NLRP5: variants seen among roughly 807,000 people sequenced by gnomAD.
NLRP5 encodes the protein NACHT, LRR and PYD domains-containing protein 5.
In NLRP5, 93 loss-of-function variants were observed where a neutral mutation model predicts 113.1. The observed-to-expected ratio is 0.82, with a 90% CI of 0.70 to 0.98. NLRP5 has a LOEUF of 0.98. Among genes scored for constraint, NLRP5 ranks in the 50% least tolerant of loss-of-function variants. NLRP5 has a pLI of 0.00. For synonymous variants in NLRP5, 751 were observed against 600.7 expected (o/e 1.25, Z -3.66); for missense variants, 1,808 against 1,514.3 (o/e 1.19, Z -3.22).
At chr19:56,025,625 T>A (rs1287318048) in intron 6 of NLRP5, among the ~76,000 whole-genome samples, 1 of 151,906 alleles carries the variant, frequency 6.6e-6, no homozygotes, top group Non-Finnish European at 1.5e-5. Context: ...TTAGCCAGGA[T>A]GGTCTCAATC....
At chr19:55,999,212 C>CTTTTTTTTTTTTTTTTT (rs906346601), upstream of NLRP5, among the ~76,000 whole-genome samples, 9 of 111,708 alleles carry the variant, frequency 8.1e-5, no homozygotes, top group East Asian at 2.6e-4. Flanking sequence ...TTTTCTTTTT[C>CTTTTTTTTTTTTTTTTT]TTTTTTTTTT....
At chr19:56,059,996 G>C (rs1311242778) in intron 14 of NLRP5, among the ~76,000 whole-genome samples, 1 of 152,176 alleles carries the variant, frequency 6.6e-6, no homozygotes, top group South Asian at 2.1e-4. Context: ...ATAGGAGGAA[G>C]GTGAAGACAG....
At position 56,028,414 on chromosome 19, in the gene NLRP5, C is replaced by T. The variant is rs1982965457; in HGVS notation, c.2181C>T (p.Leu727=). ...ACTTGATAGCATCTTCCTTCTGCCT[C>T]CAGCACTGTCCGTATTTGCGGAAAA... The change falls in exon 7 of 15, where the codon CTC becomes CTT. Residue 727 remains leucine, a synonymous_variant. Coordinates refer to ENST00000390649, the MANE Select transcript of NLRP5 (RefSeq NM_153447.4). 6.2e-7 allele frequency: 1 copy of T among 1,613,972 alleles called. No individual in the cohort carries two copies. Among genetic ancestry groups the T allele is most frequent in the East Asian group, 2.2e-5 (1 of 44,888 alleles).
At chr19:56,002,386 CAG>C (rs1981687865) in intron 1 of NLRP5, among the ~76,000 whole-genome samples, 1 of 151,926 alleles carries the variant, frequency 6.6e-6, no homozygotes, top group Non-Finnish European at 1.5e-5. Context: ...ACAGGTGTAA[CAG>C]AAATCAACTG....
In NLRP5 at chr19:56,058,363, G is replaced by A. The variant is rs373387803; in HGVS notation, c.3423G>A (p.Lys1141=). The A allele has an allele frequency of 8.2e-5, 132 of 1,613,916 alleles. No homozygotes were observed. The highest frequency in any genetic ancestry group is 1.0e-4 in the Non-Finnish European group (122 of 1,179,900). ...ACTTCAGTCCCAAAGGAATGATGAA[G>A]CTGTGTTCGGCCTTTGCCTGTCCCA... The change falls in exon 14 of 15, where the codon AAG becomes AAA. Residue 1141 remains lysine (K), a synonymous_variant. Transcript: ENST00000390649.
intron 13 of NLRP5, among the ~76,000 whole-genome samples, chr19:56,054,636 T>C (rs1368154503): frequency 6.7e-6 from 1 of 148,942 alleles, no homozygotes; most frequent in Non-Finnish European, 1.5e-5. Flanking sequence ...TCGTGCTGAG[T>C]GAAAGAAGCC....
intron 11 of NLRP5, among the ~76,000 whole-genome samples, chr19:56,049,184 A>C (rs1353580332): frequency 6.8e-6 from 1 of 146,352 alleles, no homozygotes; most frequent in African/African-American, 2.5e-5. Flanking sequence ...TTATTTATTT[A>C]TTTATTTATT....
At chr19:56,056,194 G>C (rs1407924683) in intron 13 of NLRP5, among the ~76,000 whole-genome samples, 1 of 152,084 alleles carries the variant, frequency 6.6e-6, no homozygotes, top group East Asian at 1.9e-4. Context: ...TCATTTACTA[G>C]GAAAGCCCTA....
At position 56,061,674 on chromosome 19, in the gene NLRP5, C is replaced by A; in HGVS notation, c.*146C>A. On this transcript the variant is annotated 3_prime_UTR_variant, in exon 15 of 15. Coordinates refer to ENST00000390649, the MANE Select transcript of NLRP5 (RefSeq NM_153447.4). ...CACAAAGCCCTCAATGGTAGTGATT[C>A]TTCTGTGTTCACTCTACGTTGGTTA... The A allele has an allele frequency of 1.1e-6, 1 of 886,836 alleles. No homozygotes were observed. The highest frequency in any genetic ancestry group is 1.8e-6 in the Non-Finnish European group (1 of 564,560). The allele number at this position is 886,836 out of a possible 1,614,324, so 54.9% of individuals were successfully genotyped here. A position where few individuals can be genotyped will look rare whatever the true frequency, so the allele number is the denominator to read the frequency against.
chr19:55,990,894 G>A, the NLRP5 span, among the ~76,000 whole-genome samples: 14 of 152,214 alleles, frequency 9.2e-5, no homozygotes, highest in Non-Finnish European at 1.9e-4. Context: ...TGAGGCAGGA[G>A]AATCACTTGA....
chr19:56,010,789 GTT>G (rs74179658), intron 3 of NLRP5, among the ~76,000 whole-genome samples: 13 of 123,798 alleles, frequency 1.1e-4, no homozygotes, highest in East Asian at 2.9e-4. Context: ...AATAAATGCA[GTT>G]TTTTTTTTAT....
At chr19:56,047,914 C>T (rs530916880) in intron 11 of NLRP5, among the ~76,000 whole-genome samples, 1 of 152,220 alleles carries the variant, frequency 6.6e-6, no homozygotes, top group South Asian at 2.1e-4. Flanking sequence ...CAGTGTTAGG[C>T]ACATGTATGT....
upstream of NLRP5, among the ~76,000 whole-genome samples, chr19:55,996,508 C>A (rs151242062): frequency 3.7e-4 from 57 of 152,212 alleles, no homozygotes; most frequent in African/African-American, 1.3e-3. Context: ...CACAACAGTC[C>A]CCGGTGTGTG....
chr19:56,026,200 C>A lies in NLRP5; in HGVS notation c.680-713C>A, dbSNP rs547579526. ...GACTCAGGCCCCACTGATGCTCGGT[C>A]CAGGGTTTCTGTGAGGTATATTTTT... On this transcript the variant is annotated intron_variant, in intron 6 of 14. Transcript: ENST00000390649. Among the ~76,000 whole-genome samples the A allele has an allele frequency of 3.3e-5, 5 of 152,130 alleles. No individual in the cohort carries two copies. The South Asian group carries it at 8.3e-4, about 25-fold the overall frequency.
intron 2 of NLRP5, among the ~76,000 whole-genome samples, chr19:56,005,367 A>G (rs1038338261): frequency 4.1e-5 from 6 of 146,112 alleles, no homozygotes; most frequent in Non-Finnish European, 7.5e-5. Flanking sequence ...TTTTATATAC[A>G]CACATATATA....
intron 3 of NLRP5, among the ~76,000 whole-genome samples, chr19:56,012,816 G>A (rs191948286): frequency 7.2e-5 from 11 of 152,250 alleles, no homozygotes; most frequent in Admixed American, 6.5e-4. Flanking sequence ...ATACACTTCT[G>A]ATACAGTTTG....
upstream of NLRP5, among the ~76,000 whole-genome samples, chr19:55,996,338 AT>A (rs896730947): frequency 4.6e-5 from 7 of 151,468 alleles, no homozygotes; most frequent in Non-Finnish European, 8.8e-5. Flanking sequence ...GGGATGTTGA[AT>A]TTTTTTTTCT....
intron 12 of NLRP5, among the ~76,000 whole-genome samples, chr19:56,051,901 ATAAAGGACTTTGG>A (rs1244188004): frequency 6.6e-6 from 1 of 152,242 alleles, no homozygotes; most frequent in East Asian, 1.9e-4. Flanking sequence ...CAAGAATAAA[ATAAAGGACTTTGG>A]TATGGATTCT....
intron 7 of NLRP5, among the ~76,000 whole-genome samples, chr19:56,030,036 C>T (rs557874374): frequency 4.0e-5 from 6 of 151,214 alleles, no homozygotes; most frequent in Non-Finnish European, 7.4e-5. Flanking sequence ...GCCTGGGCAA[C>T]AGAGTGAGAC....
Sources: allele counts gnomAD v4.1 joint callset (sites outside exome capture counted in the v4.1 genomes callset), GRCh38; gene constraint gnomAD v4.1.1; transcripts MANE v1.5; gene names NCBI Gene and HGNC (gene_info 2026-07-23, HGNC 2026-07-21).